The following PDZRN3 variants were observed in gnomAD, a reference collection of about 807,000 sequenced individuals.
PDZRN3 encodes PDZ domain containing ring finger 3, also known as E3 ubiquitin-protein ligase PDZRN3.
In PDZRN3, 38 loss-of-function variants were observed where a neutral mutation model predicts 85.7. The ratio of observed to expected loss-of-function variants is 0.44; its 90% CI spans 0.34 to 0.58. The LOEUF (loss-of-function observed/expected upper bound fraction) is 0.58. Among genes scored for constraint, PDZRN3 ranks in the 20% least tolerant of loss-of-function variants. The probability of loss-of-function intolerance (pLI) is 0.01; values close to 1 mark genes in which losing one functional copy is unlikely to be tolerated. For missense variants in PDZRN3, 1,629 were observed against 1,506.4 expected (o/e 1.08, Z -1.35); for synonymous variants, 759 against 638.0 (o/e 1.19, Z -2.86).
intron 3 of PDZRN3, among the ~76,000 whole-genome samples, chr3:73,502,549 G>A (rs758577834): frequency 6.6e-6 from 1 of 152,100 alleles, no homozygotes; most frequent in Non-Finnish European, 1.5e-5. Flanking sequence ...TTACTATAGC[G>A]GTTTCCCTTC....
chr3:73,415,597 A>T (rs1702065615), intron 3 of PDZRN3, among the ~76,000 whole-genome samples: 1 of 152,188 alleles, frequency 6.6e-6, no homozygotes, highest in Non-Finnish European at 1.5e-5. Context: ...TATCCACATA[A>T]TCCTTCTATT....
intron 8 of PDZRN3, among the ~76,000 whole-genome samples, chr3:73,387,503 C>T (rs1038408945): frequency 6.6e-6 from 1 of 152,162 alleles, no homozygotes; most frequent in African/African-American, 2.4e-5. Context: ...GTAAAGTGCT[C>T]CACGGAGGGC....
intron 3 of PDZRN3, among the ~76,000 whole-genome samples, chr3:73,477,568 A>G (rs1327355903): frequency 1.3e-5 from 2 of 152,222 alleles, no homozygotes; most frequent in African/African-American, 4.8e-5. Flanking sequence ...CCAACATTCA[A>G]AAATAATGAA....
chr3:73,433,873 C>A, intron 3 of PDZRN3: 4 of 1,431,950 alleles, frequency 2.8e-6, no homozygotes, highest in South Asian at 3.0e-5. Context: ...ACAACTCTCT[C>A]CCCCCTTCCA....
rs1259559612 is a variant in PDZRN3 at position 73,624,214 on chromosome 3, C to T, written c.612G>A (p.Ala204=). Residue 204 remains alanine (A), a synonymous_variant, in exon 1 of 10, where the codon GCG becomes GCA. Transcript: ENST00000263666. ...REKSLVAQLA[A]AQLELQMTAL... ...CGGTCATCTGCAGCTCAAGCTGCGC[C>T]GCGGCCAGCTGGGCCACCAGCGACT... 2 of 1,489,268 alleles carry T rather than the reference C, an allele frequency of 1.3e-6. No homozygotes were observed. The highest frequency in any genetic ancestry group is 1.8e-6 in the Non-Finnish European group (2 of 1,126,262). The allele number at this position is 1,489,268 out of a possible 1,614,324, so 92.3% of individuals were successfully genotyped here. A position where few individuals can be genotyped will look rare whatever the true frequency, so the allele number is the denominator to read the frequency against.
chr3:73,606,469 G>A (rs1559755845), intron 2 of PDZRN3, among the ~76,000 whole-genome samples: 1 of 152,180 alleles, frequency 6.6e-6, no homozygotes, highest in Non-Finnish European at 1.5e-5. Flanking sequence ...GGAGAGTACG[G>A]AGGACCCCTG....
Position 73,384,714 on chromosome 3 carries a change from G to A in PDZRN3, c.1852C>T (p.Leu618=). ...CSQDTLGSGD[L]PFSNESFISA... ...ATGAAAGACTCGTTGCTGAAGGGCA[G>A]GTCGCCGCTGCCCAAGGTGTCCTGG... is the stretch of plus-strand genomic sequence containing the variant. Residue 618 remains leucine, a synonymous_variant, in exon 10 of 10, where the codon CTG becomes TTG. Coordinates refer to ENST00000263666, the MANE Select transcript of PDZRN3 (RefSeq NM_015009.3). 6.2e-7 allele frequency: 1 copy of A among 1,614,024 alleles called. No individual in the cohort carries two copies. The highest frequency in any genetic ancestry group is 1.1e-5 in the South Asian group (1 of 91,086).
At chr3:73,391,251 T>A in intron 5 of PDZRN3, 135 bp from the exon 6 acceptor site, 1 of 598,052 alleles carries the variant, frequency 1.7e-6, no homozygotes, top group African/African-American at 1.8e-5. Context: ...GCCGGTTAAC[T>A]TACTAAACAA....
intron 3 of PDZRN3, among the ~76,000 whole-genome samples, chr3:73,421,389 G>C (rs186329802): frequency 1.3e-5 from 2 of 152,190 alleles, no homozygotes; most frequent in African/African-American, 4.8e-5. Context: ...GAGGCTCTGA[G>C]GGAGAGGGAG....
chr3:73,573,829 A>ATATACATATACATATACATACACC (rs1702079320), intron 3 of PDZRN3, among the ~76,000 whole-genome samples: 1 of 62,604 alleles, frequency 1.6e-5, no homozygotes, highest in African/African-American at 6.9e-5. Flanking sequence ...ATACATATAC[A>ATATACATATACATATACATACACC]TATACATATA....
intron 3 of PDZRN3, among the ~76,000 whole-genome samples, chr3:73,481,331 G>A (rs937732583): frequency 6.6e-6 from 1 of 152,196 alleles, no homozygotes; most frequent in African/African-American, 2.4e-5. Flanking sequence ...TTAATAAAAT[G>A]TGTGAGGGCA....
chr3:73,584,452 GGTGTGTGTGTGTGTGTGTGT>G (rs56393203), intron 3 of PDZRN3, among the ~76,000 whole-genome samples: 2 of 83,918 alleles, frequency 2.4e-5, no homozygotes, highest in African/African-American at 8.3e-5. Context: ...TTCATTTAAT[GGTGTGTGTGTGTGTGTGTGT>G]GTGTGTGTGT....
chr3:73,521,196 G>A (rs768205864), intron 3 of PDZRN3, among the ~76,000 whole-genome samples: 1 of 152,164 alleles, frequency 6.6e-6, no homozygotes, highest in Non-Finnish European at 1.5e-5. Context: ...TAAACGGGTT[G>A]TTGTGCGTGC....
chr3:73,438,794 C>A (rs1337374941), intron 3 of PDZRN3, among the ~76,000 whole-genome samples: 1 of 152,224 alleles, frequency 6.6e-6, no homozygotes, highest in Non-Finnish European at 1.5e-5. Flanking sequence ...AGCCAATAAA[C>A]CCATCAAGCT....
intron 1 of PDZRN3, among the ~76,000 whole-genome samples, chr3:73,611,383 T>C (rs1356586753): frequency 1.3e-5 from 2 of 152,214 alleles, no homozygotes; most frequent in Non-Finnish European, 2.9e-5. Flanking sequence ...ACAACATTCC[T>C]CAACCAAACA....
At chr3:73,385,923 T>A (rs932032944) in intron 8 of PDZRN3, 138 bp from the exon 9 acceptor site, 11 of 620,286 alleles carry the variant, frequency 1.8e-5, no homozygotes, top group Middle Eastern at 5.1e-4. Context: ...GTCTGCCCAA[T>A]GATTTGCTGT....
At chr3:73,618,846 G>A (rs1702808114) in intron 1 of PDZRN3, among the ~76,000 whole-genome samples, 1 of 152,082 alleles carries the variant, frequency 6.6e-6, no homozygotes, top group African/African-American at 2.4e-5. Context: ...AAATAGAAGT[G>A]ACAATCTGTA....
intron 1 of PDZRN3, among the ~76,000 whole-genome samples, chr3:73,614,099 T>C (rs376885452): frequency 6.6e-6 from 1 of 152,208 alleles, no homozygotes; most frequent in African/African-American, 2.4e-5. Context: ...TATTTGAACA[T>C]GTAACTATTA....
At chr3:73,476,048 T>C (rs1703442028) in intron 3 of PDZRN3, among the ~76,000 whole-genome samples, 1 of 152,200 alleles carries the variant, frequency 6.6e-6, no homozygotes, top group South Asian at 2.1e-4. Flanking sequence ...TTAACATTCT[T>C]AGAAACACAG....
Sources: allele counts gnomAD v4.1 joint callset (sites outside exome capture counted in the v4.1 genomes callset), GRCh38; gene constraint gnomAD v4.1.1; transcripts MANE v1.5; gene names NCBI Gene and HGNC (gene_info 2026-07-23, HGNC 2026-07-21).